Variants in B3GALT1 observed in about 807,000 individuals in gnomAD.
B3GALT1 encodes the protein UDP-Gal:betaGlcNAc beta 1,3-galactosyltransferase, polypeptide 1.
In B3GALT1, 10 loss-of-function variants were observed where a neutral mutation model predicts 23.2. That is an observed-to-expected ratio of 0.43 (90% CI 0.27 to 0.73). B3GALT1 has a LOEUF of 0.73. Ranked by LOEUF, B3GALT1 falls within the 30% of genes least tolerant of loss-of-function variation. The pLI is 0.21. For synonymous variants in B3GALT1, 156 were observed against 141.5 expected (o/e 1.10, Z -0.73); for missense variants, 299 against 405.4 (o/e 0.74, Z 2.25).
chr2:167,780,085 A>T (rs555610514), intron 3 of B3GALT1, among the ~76,000 whole-genome samples: 1 of 152,332 alleles, frequency 6.6e-6, no homozygotes, highest in African/African-American at 2.4e-5. Context: ...GAGAAAATAT[A>T]TTACAAGTGT....
intron 1 of B3GALT1, among the ~76,000 whole-genome samples, chr2:167,460,146 A>G (rs1282623883): frequency 1.3e-5 from 2 of 152,126 alleles, no homozygotes; most frequent in East Asian, 1.9e-4. Flanking sequence ...GTTTATATTC[A>G]TGTTTTTTAT....
chr2:167,454,329 A>G (rs1178115893), intron 1 of B3GALT1, among the ~76,000 whole-genome samples: 2 of 152,226 alleles, frequency 1.3e-5, no homozygotes, highest in South Asian at 4.1e-4. Flanking sequence ...ACTGACCTGG[A>G]GAAGCCATAG....
At position 167,401,996 on chromosome 2, in the gene B3GALT1, A is replaced by G. The variant is rs1158652655; in HGVS notation, c.-510-88181A>G. On this transcript the variant is annotated intron_variant, in intron 1 of 4. Transcript: ENST00000392690. ...TTGTTGCCAATAAATGGTTTGAGAC[A>G]GTCCCTAATTTTGAAATAAAAGGTT... Among the ~76,000 whole-genome samples, 9 of 152,184 alleles carry G rather than the reference A, an allele frequency of 5.9e-5. No homozygotes were observed. The East Asian group carries it at 1.7e-3, about 29-fold the overall frequency.
chr2:167,662,273 T>A (rs1686073768), intron 3 of B3GALT1, among the ~76,000 whole-genome samples: 1 of 152,148 alleles, frequency 6.6e-6, no homozygotes, highest in Admixed American at 6.6e-5. Context: ...AATAGCCTGT[T>A]CTTTAGTAAT....
chr2:167,562,282 C>A (rs1294499065), intron 2 of B3GALT1, among the ~76,000 whole-genome samples: 10 of 152,264 alleles, frequency 6.6e-5, no homozygotes, highest in East Asian at 3.9e-4. Flanking sequence ...ACTCTCAATA[C>A]ATTAGGTATT....
chr2:167,368,920 A>G (rs959344871), intron 1 of B3GALT1, among the ~76,000 whole-genome samples: 3 of 151,846 alleles, frequency 2.0e-5, no homozygotes, highest in African/African-American at 7.3e-5. Context: ...TTCCTAAGAT[A>G]GTAGATGGGA....
chr2:167,476,398 TATC>T (rs1699486998), intron 1 of B3GALT1, among the ~76,000 whole-genome samples: 1 of 152,142 alleles, frequency 6.6e-6, no homozygotes, highest in African/African-American at 2.4e-5. Flanking sequence ...GTTTAGAAAA[TATC>T]ATATTTGCCC....
chr2:167,329,097 G>A (rs1181555893), intron 1 of B3GALT1, among the ~76,000 whole-genome samples: 1 of 152,030 alleles, frequency 6.6e-6, no homozygotes. Flanking sequence ...ACACGAGTGA[G>A]CCACCACGCC....
chr2:167,444,258 A>G (rs1478270408), intron 1 of B3GALT1, among the ~76,000 whole-genome samples: 2 of 152,110 alleles, frequency 1.3e-5, no homozygotes, highest in Non-Finnish European at 2.9e-5. Context: ...GTGCTGCTGG[A>G]TTTGGTTTGC....
chr2:167,806,455 G>C (rs893129175), intron 3 of B3GALT1, among the ~76,000 whole-genome samples: 3 of 150,746 alleles, frequency 2.0e-5, no homozygotes, highest in African/African-American at 7.3e-5. Flanking sequence ...GTATGATATT[G>C]GTCATAGATA....
chr2:167,712,191 AG>A (rs1687073022), intron 3 of B3GALT1, among the ~76,000 whole-genome samples: 1 of 152,202 alleles, frequency 6.6e-6, no homozygotes, highest in Non-Finnish European at 1.5e-5. Flanking sequence ...GAAAAAAGAC[AG>A]TGATCAAGGA....
chr2:167,868,915 C>A lies in B3GALT1; in HGVS notation c.-125C>A. 1 of 1,178,700 alleles carries A rather than the reference C, an allele frequency of 8.5e-7. No individual in the cohort carries two copies. The highest frequency in any genetic ancestry group is 1.2e-6 in the Non-Finnish European group (1 of 842,146). The allele number at this position is 1,178,700 out of a possible 1,614,324, so 73.0% of individuals were successfully genotyped here. A position where few individuals can be genotyped will look rare whatever the true frequency, so the allele number is the denominator to read the frequency against. Reference sequence around the variant, plus strand: ...AGCCACTGAGGCCCATGGACAATCTCCACCTCACGCTTCTCTATCAAACTT... The same window carrying A: ...AGCCACTGAGGCCCATGGACAATCTACACCTCACGCTTCTCTATCAAACTT... On this transcript the variant is annotated 5_prime_UTR_variant, in exon 5 of 5. Coordinates refer to ENST00000392690, the MANE Select transcript of B3GALT1 (RefSeq NM_020981.4).
At chr2:167,687,809 A>G (rs1170569152) in intron 3 of B3GALT1, among the ~76,000 whole-genome samples, 1 of 152,186 alleles carries the variant, frequency 6.6e-6, no homozygotes, top group Non-Finnish European at 1.5e-5. Context: ...CCCCAAAAGC[A>G]CAACTTTAAA....
chr2:167,665,478 A>C (rs979759288), intron 3 of B3GALT1, among the ~76,000 whole-genome samples: 1 of 150,982 alleles, frequency 6.6e-6, no homozygotes, highest in Non-Finnish European at 1.5e-5. Flanking sequence ...CTGGCCTCAT[A>C]AAATGAGTTA....
intron 1 of B3GALT1, among the ~76,000 whole-genome samples, chr2:167,427,646 C>A (rs1463018607): frequency 6.6e-6 from 1 of 152,190 alleles, no homozygotes; most frequent in Non-Finnish European, 1.5e-5. Context: ...AAGTGATCCT[C>A]CCCTCTCAGC....
rs1214181559 is a variant in B3GALT1 at position 167,512,576 on chromosome 2, ATATG to A, written c.-410+22303_-410+22306del. Among the ~76,000 whole-genome samples the A allele has an allele frequency of 1.1e-4, 10 of 95,176 alleles. 2 individuals carry two copies. The highest frequency in any genetic ancestry group is 3.9e-4 in the African/African-American group (9 of 23,306). The allele number at this position is 95,176 out of a possible 152,430, so 62.4% of individuals were successfully genotyped here. A position where few individuals can be genotyped will look rare whatever the true frequency, so the allele number is the denominator to read the frequency against. ...TATATGTATATATATATGTATATAT[ATATG>A]TATATATATATGTGTATATATATAT... On this transcript the variant is annotated intron_variant, in intron 2 of 4. Coordinates refer to ENST00000392690, the MANE Select transcript of B3GALT1 (RefSeq NM_020981.4).
intron 2 of B3GALT1, among the ~76,000 whole-genome samples, chr2:167,599,816 G>GT (rs953981921): frequency 6.6e-5 from 10 of 151,760 alleles, no homozygotes; most frequent in East Asian, 1.9e-4. Context: ...CTGGACACAT[G>GT]TTTTTTTTCC....
intron 2 of B3GALT1, among the ~76,000 whole-genome samples, chr2:167,562,264 T>G (rs1365703825): frequency 1.3e-5 from 2 of 152,198 alleles, no homozygotes; most frequent in Non-Finnish European, 2.9e-5. Context: ...CAACCCTTCA[T>G]GCTAAAAACT....
At position 167,381,287 on chromosome 2, in the gene B3GALT1, C is replaced by A. The variant is rs370388487; in HGVS notation, c.-511+87953C>A. Among the ~76,000 whole-genome samples the A allele has an allele frequency of 2.0e-3, 306 of 152,282 alleles. 10 individuals are homozygous for A. The South Asian group carries it at 0.059, about 30-fold the overall frequency. On this transcript the variant is annotated intron_variant, in intron 1 of 4. Coordinates refer to ENST00000392690, the MANE Select transcript of B3GALT1 (RefSeq NM_020981.4). ...CATTGTGTAGGCTGGTCCCGAACTC[C>A]TGGGCTTAAGCAATCCTTCTGCCTT...
Sources: gnomAD v4.1 joint callset for allele counts (sites outside exome capture counted in the v4.1 genomes callset) on GRCh38, gnomAD v4.1.1 for gene constraint, MANE v1.5 for transcripts, NCBI Gene and HGNC (gene_info 2026-07-23, HGNC 2026-07-21) for gene names.